ST3GAL1: variants seen among roughly 807,000 people sequenced by gnomAD.
The protein encoded by ST3GAL1 is CMP-N-acetylneuraminate-beta-galactosamide-alpha-2,3-sialyltransferase 1.
In ST3GAL1, 16 loss-of-function variants were observed where a neutral mutation model predicts 34.1. That is an observed-to-expected ratio of 0.47 (90% CI 0.32 to 0.71). The LOEUF (loss-of-function observed/expected upper bound fraction) is 0.71. Among genes scored for constraint, ST3GAL1 ranks in the 30% least tolerant of loss-of-function variants. The probability of loss-of-function intolerance (pLI) is 0.04; values close to 1 mark genes in which losing one functional copy is unlikely to be tolerated. For missense variants in ST3GAL1, 353 were observed against 447.4 expected (o/e 0.79, Z 1.90); for synonymous variants, 191 against 184.7 (o/e 1.03, Z -0.28).
chr8:133,492,582 C>T (rs1387075185), intron 3 of ST3GAL1, among the ~76,000 whole-genome samples: 3 of 152,152 alleles, frequency 2.0e-5, no homozygotes, highest in African/African-American at 7.2e-5. Context: ...ATTATCTGGG[C>T]GTAGTGGCAT....
intron 3 of ST3GAL1, among the ~76,000 whole-genome samples, chr8:133,492,340 C>T (rs1336453055): frequency 6.6e-6 from 1 of 152,200 alleles, no homozygotes; most frequent in Non-Finnish European, 1.5e-5. Context: ...TGCACCAACT[C>T]TGTGCCAGGC....
intron 2 of ST3GAL1, among the ~76,000 whole-genome samples, chr8:133,517,619 G>A (rs900601021): frequency 2.4e-4 from 36 of 152,330 alleles, no homozygotes; most frequent in African/African-American, 7.7e-4. Flanking sequence ...CCAAGTGCTG[G>A]GATTACAGGC....
intron 2 of ST3GAL1, among the ~76,000 whole-genome samples, chr8:133,541,096 C>CATATATATATATATATAT (rs780797700): frequency 5.4e-5 from 2 of 37,198 alleles, no homozygotes; most frequent in African/African-American, 3.4e-4. Flanking sequence ...TATATATAAA[C>CATATATATATATATATAT]ATATATATAT....
chr8:133,513,355 G>A (rs755560501), intron 2 of ST3GAL1, among the ~76,000 whole-genome samples: 2 of 151,876 alleles, frequency 1.3e-5, no homozygotes, highest in African/African-American at 2.4e-5. Flanking sequence ...ATCACTGCTG[G>A]GGCATTACAC....
At chr8:133,511,685 C>T (rs1047925689) in intron 2 of ST3GAL1, among the ~76,000 whole-genome samples, 5 of 152,114 alleles carry the variant, frequency 3.3e-5, no homozygotes, top group Admixed American at 6.5e-5. Context: ...AGAGACCTTT[C>T]GAGTCACATA....
At chr8:133,549,545 C>G (rs571282045) in intron 1 of ST3GAL1, among the ~76,000 whole-genome samples, 10 of 152,190 alleles carry the variant, frequency 6.6e-5, no homozygotes, top group African/African-American at 2.4e-4. Flanking sequence ...CTTCATGAAG[C>G]AACGCATAAC....
intron 2 of ST3GAL1, among the ~76,000 whole-genome samples, chr8:133,509,845 G>A (rs1050887847): frequency 1.3e-5 from 2 of 152,154 alleles, no homozygotes; most frequent in African/African-American, 4.8e-5. Context: ...ATCAACTGAG[G>A]TCTGGAGTTC....
intron 2 of ST3GAL1, among the ~76,000 whole-genome samples, chr8:133,526,308 C>T (rs1817973938): frequency 6.6e-6 from 1 of 152,150 alleles, no homozygotes; most frequent in African/African-American, 2.4e-5. Flanking sequence ...ATTCCCCAGC[C>T]AGAGTCTGGG....
At chr8:133,498,388 T>C (rs1817035281) in intron 3 of ST3GAL1, among the ~76,000 whole-genome samples, 1 of 152,212 alleles carries the variant, frequency 6.6e-6, no homozygotes, top group African/African-American at 2.4e-5. Flanking sequence ...TCAGTGTCCT[T>C]ATCTGGAAAA....
At chr8:133,460,015 T>C in intron 9 of ST3GAL1, 78 bp from the exon 10 acceptor site, 1 of 1,471,546 alleles carries the variant, frequency 6.8e-7, no homozygotes, top group Non-Finnish European at 9.1e-7. Flanking sequence ...CCTGTAGGCG[T>C]TCCTGGAATC....
At chr8:133,546,262 CG>C (rs1324860666) in intron 1 of ST3GAL1, among the ~76,000 whole-genome samples, 8 of 152,266 alleles carry the variant, frequency 5.3e-5, no homozygotes, top group African/African-American at 1.9e-4. Context: ...GCAGGCAGAT[CG>C]CTTGAGGTCA....
intron 2 of ST3GAL1, among the ~76,000 whole-genome samples, chr8:133,505,142 T>C (rs1817294994): frequency 6.6e-6 from 1 of 152,020 alleles, no homozygotes; most frequent in Admixed American, 6.6e-5. Flanking sequence ...TCTTCATGGG[T>C]CTCTTGCACT....
chr8:133,490,524 G>T (rs1166787987), intron 3 of ST3GAL1, among the ~76,000 whole-genome samples: 2 of 152,234 alleles, frequency 1.3e-5, no homozygotes, highest in Non-Finnish European at 2.9e-5. Context: ...GCAGGTGAAT[G>T]ACAACCAAAG....
chr8:133,474,830 A>G (rs1464931935), intron 5 of ST3GAL1, among the ~76,000 whole-genome samples: 1 of 152,168 alleles, frequency 6.6e-6, no homozygotes, highest in African/African-American at 2.4e-5. Flanking sequence ...AGTTTCTATG[A>G]CAAACCTCAT....
chr8:133,550,198 C>A (rs767383883), intron 1 of ST3GAL1, among the ~76,000 whole-genome samples: 1 of 152,202 alleles, frequency 6.6e-6, no homozygotes, highest in Non-Finnish European at 1.5e-5. Flanking sequence ...TTTCTAAAAG[C>A]CATGTCCCAG....
At chr8:133,465,861 C>T (rs774085142) in intron 6 of ST3GAL1, 33 bp downstream of exon 6, 32 of 1,599,684 alleles carry the variant, frequency 2.0e-5, no homozygotes, top group African/African-American at 2.7e-5. Context: ...CTGGGTGCAG[C>T]ACGGTAGGCT....
intron 2 of ST3GAL1, among the ~76,000 whole-genome samples, chr8:133,533,308 T>C (rs891237771): frequency 6.6e-6 from 1 of 152,150 alleles, no homozygotes; most frequent in Non-Finnish European, 1.5e-5. Context: ...GTCTGTGCTA[T>C]TTTTCCCCGT....
chr8:133,523,252 A>G (rs1317313232), intron 2 of ST3GAL1, among the ~76,000 whole-genome samples: 1 of 151,950 alleles, frequency 6.6e-6, no homozygotes, highest in Non-Finnish European at 1.5e-5. Flanking sequence ...AACATGGGAG[A>G]CTGGAGGGTC....
intron 5 of ST3GAL1, among the ~76,000 whole-genome samples, chr8:133,468,316 G>C (rs1400141920): frequency 6.6e-6 from 1 of 152,176 alleles, no homozygotes; most frequent in African/African-American, 2.4e-5. Flanking sequence ...GTTACAACAT[G>C]GATGGACCTT....
Sources: allele counts gnomAD v4.1 joint callset (sites outside exome capture counted in the v4.1 genomes callset), GRCh38; gene constraint gnomAD v4.1.1; transcripts MANE v1.5; gene names NCBI Gene and HGNC (gene_info 2026-07-23, HGNC 2026-07-21).